The following F2RL1 variants were observed in gnomAD, a reference collection of about 807,000 sequenced individuals.
F2RL1 encodes F2R like trypsin receptor 1, also known as proteinase-activated receptor 2.
Under a neutral mutation model 21.7 loss-of-function variants are expected in F2RL1, and 16 were observed. The ratio of observed to expected loss-of-function variants is 0.74; its 90% CI spans 0.50 to 1.12. The LOEUF (loss-of-function observed/expected upper bound fraction) is 1.12, where lower values mean the gene tolerates loss of function less well. F2RL1 is among the 50% of genes most tolerant of loss of function. The pLI, the probability that F2RL1 is intolerant of heterozygous loss-of-function variation, is 0.00. For synonymous variants in F2RL1, 181 were observed against 186.7 expected (o/e 0.97, Z 0.25); for missense variants, 432 against 477.8 (o/e 0.90, Z 0.89).
Position 76,827,774 on chromosome 5 carries a change from A to G in F2RL1, c.83-4916A>G, listed in dbSNP as rs1287502144. Among the ~76,000 whole-genome samples the G allele has an allele frequency of 2.6e-5, 4 of 151,332 alleles. No homozygotes were observed. In the East Asian group the frequency reaches 7.9e-4, roughly 30 times the overall value. ...GCCACCACACCCAGCTAATTTTTGTATTTTTAATAGAGATGGGGTTTCACC... is the reference window on the plus strand; with the variant it reads ...GCCACCACACCCAGCTAATTTTTGTGTTTTTAATAGAGATGGGGTTTCACC... On this transcript the variant is annotated intron_variant, in intron 1 of 1. Transcript: ENST00000296677.
At chr5:76,823,168 T>G (rs1288045803) in intron 1 of F2RL1, among the ~76,000 whole-genome samples, 1 of 150,510 alleles carries the variant, frequency 6.6e-6, no homozygotes, top group Non-Finnish European at 1.5e-5. Flanking sequence ...AGGTCGAGCT[T>G]GCAGTGAGCC....
At chr5:76,820,160 G>C (rs1266140945) in intron 1 of F2RL1, among the ~76,000 whole-genome samples, 2 of 152,156 alleles carry the variant, frequency 1.3e-5, no homozygotes, top group Non-Finnish European at 2.9e-5. Flanking sequence ...GCGTTCCTTG[G>C]ATGTGCTGCT....
In F2RL1 at chr5:76,835,098, G is replaced by A. The variant is rs1422409585; in HGVS notation, c.*1297G>A. The A allele has an allele frequency of 1.3e-5, 2 of 152,206 alleles. No individual in the cohort carries two copies. The highest frequency in any genetic ancestry group is 2.9e-5 in the Non-Finnish European group (2 of 68,020). 9.4% of individuals were successfully genotyped at this position (152,206 alleles called of 1,614,324 possible). A position where few individuals can be genotyped will look rare whatever the true frequency, so the allele number is the denominator to read the frequency against. ...TTAGTATTTTAAAAAATAATTGTTG[G>A]AGTATTTATTGTCAGTTTTGTTCAC... On this transcript the variant is annotated 3_prime_UTR_variant, in exon 2 of 2. Coordinates refer to ENST00000296677, the MANE Select transcript of F2RL1 (RefSeq NM_005242.6).
At chr5:76,820,296 T>TG (rs569468151) in intron 1 of F2RL1, among the ~76,000 whole-genome samples, 17 of 152,190 alleles carry the variant, frequency 1.1e-4, no homozygotes, top group Middle Eastern at 3.4e-3. Flanking sequence ...CCCCTCTGTT[T>TG]GGGGCAGCCT....
intron 1 of F2RL1, among the ~76,000 whole-genome samples, chr5:76,831,623 T>G (rs1225436762): frequency 6.7e-6 from 1 of 149,908 alleles, no homozygotes; most frequent in Non-Finnish European, 1.5e-5. Flanking sequence ...AACCTCCACT[T>G]CCGGGGTTCA....
chr5:76,829,367 G>A (rs1169739622), intron 1 of F2RL1, among the ~76,000 whole-genome samples: 1 of 151,638 alleles, frequency 6.6e-6, no homozygotes, highest in African/African-American at 2.4e-5. Flanking sequence ...AAAGTGCTGG[G>A]TATTGAAGGC....
rs948922598 is a variant in F2RL1, at chr5:76,819,154, G to C, written c.-29G>C. 6.4e-7 allele frequency: 1 copy of C among 1,553,406 alleles called. No individual in the cohort carries two copies. Among genetic ancestry groups the C allele is most frequent in the Non-Finnish European group, 8.6e-7 (1 of 1,156,560 alleles). ...TCGAATCGGCGGCGGCGGATTCCCC[G>C]CGCGCCCGGCGTCGGGGCTTCCAGG... On this transcript the variant is annotated 5_prime_UTR_variant, in exon 1 of 2. Transcript: ENST00000296677.
At position 76,819,159 on chromosome 5, in the gene F2RL1, C is replaced by G. The variant is rs1486415797; in HGVS notation, c.-24C>G. Reference sequence around the variant, plus strand: ...TCGGCGGCGGCGGATTCCCCGCGCGCCCGGCGTCGGGGCTTCCAGGAGGAT... The same window carrying G: ...TCGGCGGCGGCGGATTCCCCGCGCGGCCGGCGTCGGGGCTTCCAGGAGGAT... On this transcript the variant is annotated 5_prime_UTR_variant, in exon 1 of 2. Coordinates refer to ENST00000296677, the MANE Select transcript of F2RL1 (RefSeq NM_005242.6). 3.8e-6 allele frequency: 6 copies of G among 1,559,976 alleles called. No homozygotes were observed. Among genetic ancestry groups the G allele is most frequent in the Non-Finnish European group, 5.2e-6 (6 of 1,161,310 alleles).
Position 76,833,653 on chromosome 5 carries a change from A to G in F2RL1, c.1046A>G (p.His349Arg), listed in dbSNP as rs753801310. Residue 349 changes from histidine to arginine, a missense_variant, in exon 2 of 2, where the codon CAT (histidine) becomes CGT (arginine). By Grantham distance (29) the His-to-Arg change is conservative. Coordinates refer to ENST00000296677, the MANE Select transcript of F2RL1 (RefSeq NM_005242.6). ...CCCTTTGTCTATTACTTTGTTTCACATGATTTCAGGGATCATGCAAAGAAC... is the reference window on the plus strand; with the variant it reads ...CCCTTTGTCTATTACTTTGTTTCACGTGATTTCAGGGATCATGCAAAGAAC... ...IDPFVYYFVS[H>R]DFRDHAKNAL... The G allele has an allele frequency of 9.9e-6, 16 of 1,613,868 alleles. No homozygotes were observed. The highest frequency in any genetic ancestry group is 1.4e-5 in the Non-Finnish European group (16 of 1,180,016).
chr5:76,833,581 T>C lies in F2RL1; in HGVS notation c.974T>C (p.Leu325Pro). The C allele has an allele frequency of 6.2e-7, 1 of 1,613,970 alleles. No homozygotes were observed. The change falls in exon 2 of 2, where the codon CTG (leucine) becomes CCG (proline). Residue 325 changes from leucine to proline, a missense_variant. Physicochemically the swap from Leu to Pro is moderately conservative, Grantham distance 98. Transcript: ENST00000296677. ...CAGGGCCAGAGCCATGTCTATGCCC[T>C]GTACATTGTAGCCCTCTGCCTCTCT... ...KSQGQSHVYA[L>P]YIVALCLSTL...
intron 1 of F2RL1, among the ~76,000 whole-genome samples, chr5:76,826,980 A>G (rs1179729687): frequency 6.6e-6 from 1 of 151,330 alleles, no homozygotes; most frequent in East Asian, 1.9e-4. Flanking sequence ...CCTTCCTAGT[A>G]GTGGGACTAC....
chr5:76,830,680 C>A (rs982293748), intron 1 of F2RL1, among the ~76,000 whole-genome samples: 1 of 152,166 alleles, frequency 6.6e-6, no homozygotes, highest in Admixed American at 6.6e-5. Context: ...TCTGCAAAGA[C>A]ATTTTTGCTA....
chr5:76,828,269 G>A (rs1355810429), intron 1 of F2RL1, among the ~76,000 whole-genome samples: 3 of 152,086 alleles, frequency 2.0e-5, no homozygotes, highest in East Asian at 1.9e-4. Context: ...CTGCCCAGCC[G>A]TGCACCAGTT....
At chr5:76,830,884 T>C (rs1750338039) in intron 1 of F2RL1, among the ~76,000 whole-genome samples, 2 of 152,100 alleles carry the variant, frequency 1.3e-5, no homozygotes, top group Non-Finnish European at 2.9e-5. Flanking sequence ...AAGCTTCTAG[T>C]GGAAAAATGA....
chr5:76,821,987 C>A (rs751070256), intron 1 of F2RL1, among the ~76,000 whole-genome samples: 52 of 152,054 alleles, frequency 3.4e-4, no homozygotes, highest in Non-Finnish European at 6.9e-4. Context: ...ACTTCAGTAC[C>A]AAAGTAGCCA....
Position 76,833,574 on chromosome 5 carries a change from T to A in F2RL1, c.967T>A (p.Tyr323Asn), listed in dbSNP as rs771965396. ...LIKSQGQSHV[Y>N]ALYIVALCLS... The stretch of plus-strand genomic sequence containing the variant: ...TAAGAGCCAGGGCCAGAGCCATGTC[T>A]ATGCCCTGTACATTGTAGCCCTCTG... The change falls in exon 2 of 2, where the codon TAT (tyrosine) becomes AAT (asparagine). Residue 323 changes from tyrosine (Y) to asparagine (N), a missense_variant. By Grantham distance (143) the Tyr-to-Asn change is moderately radical (BLOSUM62 -2). Transcript: ENST00000296677. 1.2e-6 allele frequency: 2 copies of A among 1,613,802 alleles called. No homozygotes were observed.
At chr5:76,819,377 C>A in intron 1 of F2RL1, 113 bp downstream of exon 1, 1 of 883,372 alleles carries the variant, frequency 1.1e-6, no homozygotes, top group Non-Finnish European at 1.7e-6. Context: ...CTGCCGGCAC[C>A]CATCTCTACG....
At chr5:76,821,296 A>G (rs1162255954) in intron 1 of F2RL1, among the ~76,000 whole-genome samples, 1 of 152,178 alleles carries the variant, frequency 6.6e-6, no homozygotes. Context: ...TCCTCACTGC[A>G]TCGTTAACTC....
rs1580937502 is a variant in F2RL1 at position 76,833,702 on chromosome 5, C to CA, written c.1096dup (p.Thr366AsnfsTer29). On this transcript the variant is annotated frameshift_variant, in exon 2 of 2. Coordinates refer to ENST00000296677, the MANE Select transcript of F2RL1 (RefSeq NM_005242.6). LOFTEE classifies it high-confidence loss of function. ...ACGCTCTCCTTTGCCGAAGTGTCCGCACTGTAAAGCAGATGCAAGTATCCC... is the reference window on the plus strand; with the variant it reads ...ACGCTCTCCTTTGCCGAAGTGTCCGCAACTGTAAAGCAGATGCAAGTATCCC... The CA allele has an allele frequency of 1.2e-6, 2 of 1,613,910 alleles. No homozygotes were observed. The highest frequency in any genetic ancestry group is 2.7e-5 in the African/African-American group (2 of 74,878).
Sources: gnomAD v4.1 joint callset for allele counts (sites outside exome capture counted in the v4.1 genomes callset) on GRCh38, gnomAD v4.1.1 for gene constraint, MANE v1.5 for transcripts, NCBI Gene and HGNC (gene_info 2026-07-23, HGNC 2026-07-21) for gene names.